NCAPG2: variants seen among roughly 807,000 people sequenced by gnomAD.
NCAPG2 encodes condensin-2 complex subunit G2.
NCAPG2 carries 53 observed loss-of-function variants against 141.1 expected under a neutral mutation model. That is an observed-to-expected ratio of 0.38 (90% CI 0.30 to 0.47). The LOEUF (loss-of-function observed/expected upper bound fraction) is 0.47, where lower values mean the gene tolerates loss of function less well. Among genes scored for constraint, NCAPG2 ranks in the 20% least tolerant of loss-of-function variants. The probability of loss-of-function intolerance (pLI) is 0.99; values close to 1 mark genes in which losing one functional copy is unlikely to be tolerated. For missense variants in NCAPG2, 1,087 were observed against 1,389.0 expected, an observed-to-expected ratio of 0.78 and a Z score of 3.46; for synonymous variants, 499 against 490.7, an observed-to-expected ratio of 1.02 and a Z score of -0.22.
intron 8 of NCAPG2, among the ~76,000 whole-genome samples, chr7:158,685,107 G>A (rs1226619220): frequency 6.6e-6 from 1 of 152,180 alleles, no homozygotes; most frequent in Admixed American, 6.5e-5. Context: ...AAAATAAAAT[G>A]ATTGAGAACC....
intron 18 of NCAPG2, 52 bp from the exon 19 acceptor site, chr7:158,656,485 G>A (rs1444677767): frequency 1.2e-6 from 2 of 1,609,594 alleles, no homozygotes; most frequent in Non-Finnish European, 1.7e-6. Flanking sequence ...CCCTAGAAAA[G>A]CATGTAATTT....
chr7:158,645,713 A>C, intron 25 of NCAPG2, 94 bp from the exon 26 acceptor site: 3 of 1,136,524 alleles, frequency 2.6e-6, no homozygotes, highest in Non-Finnish European at 3.9e-6. Flanking sequence ...CACAACCACA[A>C]ACCCCAGTTT....
At chr7:158,658,955 A>G (rs1007260986) in intron 16 of NCAPG2, among the ~76,000 whole-genome samples, 1 of 150,338 alleles carries the variant, frequency 6.7e-6, no homozygotes, top group Non-Finnish European at 1.5e-5. Context: ...AGGTGAGAGG[A>G]CTGCGTGAGG....
rs201698466 is a variant in NCAPG2, at chr7:158,654,622, G to C, written c.2719C>G (p.Gln907Glu). Residue 907 changes from glutamine (Q) to glutamate (E), a missense_variant, in exon 22 of 28, where the codon CAG becomes GAG. Gln to Glu is a conservative substitution (Grantham distance 29, BLOSUM62 2). Coordinates refer to ENST00000356309, the MANE Select transcript of NCAPG2 (RefSeq NM_017760.7). Reference sequence around the variant, plus strand: ...GTTTGCATGATTCCAAGACTCCGCTGTAAGAGTTGCATCTGAAACTGATGG... The same window carrying C: ...GTTTGCATGATTCCAAGACTCCGCTCTAAGAGTTGCATCTGAAACTGATGG... ...GDHQFQMQLL[Q>E]RSLGIMQTVK... The C allele has an allele frequency of 1.1e-4, 175 of 1,613,960 alleles. No individual in the cohort carries two copies. Among genetic ancestry groups the C allele is most frequent in the Middle Eastern group, 1.6e-4 (1 of 6,084 alleles).
chr7:158,645,439 G>A, intron 26 of NCAPG2, 80 bp downstream of exon 26: 1 of 1,276,284 alleles, frequency 7.8e-7, no homozygotes, highest in Non-Finnish European at 1.1e-6. Context: ...CAAGTGCAGG[G>A]GCTGATCCCC....
At chr7:158,677,520 TAAAGCAAA>T (rs1208041302) in intron 11 of NCAPG2, among the ~76,000 whole-genome samples, 1 of 9,056 alleles carries the variant, frequency 1.1e-4, no homozygotes, top group Non-Finnish European at 2.0e-4. Flanking sequence ...ATGATAAAAA[TAAAGCAAA>T]AAAAAAAAAA....
At chr7:158,647,053 C>T (rs1185736699) in intron 24 of NCAPG2, among the ~76,000 whole-genome samples, 4 of 151,158 alleles carry the variant, frequency 2.6e-5, no homozygotes, top group Non-Finnish European at 4.4e-5. Flanking sequence ...AAAAGATAAA[C>T]GAAAGTGTTT....
Position 158,669,767 on chromosome 7 carries a change from T to TAAAAAAAAA in NCAPG2, c.1479+1746_1479+1747insTTTTTTTTT, listed in dbSNP as rs1563545647. Among the ~76,000 whole-genome samples the TAAAAAAAAA allele has an allele frequency of 6.7e-3, 137 of 20,474 alleles. 3 individuals are homozygous for TAAAAAAAAA. Among genetic ancestry groups the TAAAAAAAAA allele is most frequent in the Middle Eastern group, 0.056 (1 of 18 alleles). The allele number at this position is 20,474 out of a possible 152,430, so 13.4% of individuals were successfully genotyped here. On this transcript the variant is annotated intron_variant, in intron 13 of 27. Coordinates refer to ENST00000356309, the MANE Select transcript of NCAPG2 (RefSeq NM_017760.7). The stretch of plus-strand genomic sequence containing the variant: ...CTGGGTGACAGAGCGAGACTCTGTC[T>TAAAAAAAAA]CAAAAAAAAAAAAAAAAAAAAAAAA...
In NCAPG2 at chr7:158,690,442, G is replaced by A. The variant is rs573454438; in HGVS notation, c.537+126C>T. The A allele has an allele frequency of 7.2e-5, 62 of 862,622 alleles. 1 individual carries two copies. Among genetic ancestry groups the A allele is most frequent in the African/African-American group, 3.8e-4 (22 of 58,488 alleles). The allele number at this position is 862,622 out of a possible 1,614,324, so 53.4% of individuals were successfully genotyped here. A position where few individuals can be genotyped will look rare whatever the true frequency, so the allele number is the denominator to read the frequency against. ...CTCCTGAAGTCTCAGCTACTTGAGA[G>A]GCTGAGGCAGGAGGATTGCTCGAGC... On this transcript the variant is annotated intron_variant, in intron 5 of 27. Transcript: ENST00000356309.
chr7:158,667,373 CCCCCCCTTACCCACTACTGGGTCCCT>C (rs1833106606), intron 13 of NCAPG2: 4 of 66,480 alleles, frequency 6.0e-5, no homozygotes. Flanking sequence ...GATCCCTCCG[CCCCCCCTTACCCACTACTGGGTCCCT>C]CCGCCCTCCT....
In NCAPG2 at chr7:158,658,331, C is replaced by A; in HGVS notation, c.2060+7G>T. 6.2e-7 allele frequency: 1 copy of A among 1,605,246 alleles called. No homozygotes were observed. The highest frequency in any genetic ancestry group is 8.5e-7 in the Non-Finnish European group (1 of 1,175,674). On this transcript the variant is annotated splice_region_variant and intron_variant, in intron 17 of 27. Transcript: ENST00000356309. ...TTTTCTACCGTACCAAAAAACAGAGCAAATACCTGAATGGGGGGACAGCAG... is the reference window on the plus strand; with the variant it reads ...TTTTCTACCGTACCAAAAAACAGAGAAAATACCTGAATGGGGGGACAGCAG...
intron 12 of NCAPG2, among the ~76,000 whole-genome samples, chr7:158,673,428 G>T (rs916651058): frequency 6.6e-6 from 1 of 152,194 alleles, no homozygotes; most frequent in African/African-American, 2.4e-5. Context: ...GCCTCCTGAA[G>T]AAAATGCCTT....
chr7:158,655,228 T>C lies in NCAPG2; in HGVS notation c.2536A>G (p.Met846Val), dbSNP rs765361135. The change falls in exon 21 of 28, where the codon ATG becomes GTG. Residue 846 changes from methionine (M) to valine (V), a missense_variant. Coordinates refer to ENST00000356309, the MANE Select transcript of NCAPG2 (RefSeq NM_017760.7). ...AACCAAAAGCCAGTGTCTTCCAACA[T>C]GGACAAATACACCTTTCCTTCTGAG... ...FCSEGKVYLS[M>V]LEDTGFWLES... 6.2e-7 allele frequency: 1 copy of C among 1,613,984 alleles called. No individual in the cohort carries two copies. The highest frequency in any genetic ancestry group is 8.5e-7 in the Non-Finnish European group (1 of 1,180,000).
intron 13 of NCAPG2, among the ~76,000 whole-genome samples, chr7:158,666,872 A>G (rs1832993839): frequency 6.6e-6 from 1 of 152,132 alleles, no homozygotes; most frequent in Non-Finnish European, 1.5e-5. Context: ...CACAGCTGAC[A>G]AAGGAAACAA....
intron 27 of NCAPG2, among the ~76,000 whole-genome samples, chr7:158,641,900 A>G (rs116772873): frequency 6.6e-6 from 1 of 152,352 alleles, no homozygotes; most frequent in African/African-American, 2.4e-5. Context: ...TCAATTGGAT[A>G]TAATGGACGT....
In NCAPG2 at chr7:158,655,414, A is replaced by G; in HGVS notation, c.2430T>C (p.Pro810=). The change falls in exon 20 of 28, where the codon CCT becomes CCC. Residue 810 remains proline, a synonymous_variant. Coordinates refer to ENST00000356309, the MANE Select transcript of NCAPG2 (RefSeq NM_017760.7). The stretch of plus-strand genomic sequence containing the variant: ...GGGCAGCTGCTTCACTGAAGCCACG[A>G]GGCTTCCCACCCGGTGTCTGCAGAA... ...ESLLQTPGGK[P]RGFSEAAAPR... 1 of 1,614,122 alleles carries G rather than the reference A, an allele frequency of 6.2e-7. No individual in the cohort carries two copies. The highest frequency in any genetic ancestry group is 8.5e-7 in the Non-Finnish European group (1 of 1,180,034).
chr7:158,693,037 T>C (rs1370673534), intron 3 of NCAPG2, 81 bp from the exon 4 acceptor site: 1 of 1,056,938 alleles, frequency 9.5e-7, no homozygotes, highest in Non-Finnish European at 1.4e-6. Flanking sequence ...CAGTTACAAA[T>C]TTTCTAAAAA....
chr7:158,697,397 T>C (rs558016787), intron 2 of NCAPG2, among the ~76,000 whole-genome samples: 48 of 151,928 alleles, frequency 3.2e-4, no homozygotes, highest in Non-Finnish European at 5.3e-4. Flanking sequence ...AGATCAGGAG[T>C]TTGAGACCAG....
At chr7:158,663,889 T>C (rs1832721682) in intron 15 of NCAPG2, among the ~76,000 whole-genome samples, 1 of 152,198 alleles carries the variant, frequency 6.6e-6, no homozygotes, top group East Asian at 1.9e-4. Context: ...AATCCAGCCA[T>C]GCTACATCCA....
Sources: gnomAD v4.1 joint callset for allele counts (sites outside exome capture counted in the v4.1 genomes callset) on GRCh38, gnomAD v4.1.1 for gene constraint, MANE v1.5 for transcripts, NCBI Gene and HGNC (gene_info 2026-07-23, HGNC 2026-07-21) for gene names.